SERPINB7: variants seen among roughly 807,000 people sequenced by gnomAD.
The protein encoded by SERPINB7 is serpin B7.
A neutral mutation model predicts 37.4 loss-of-function variants in SERPINB7; 31 were observed. The ratio of observed to expected loss-of-function variants is 0.83; its 90% confidence interval spans 0.62 to 1.12. The LOEUF is 1.12. SERPINB7 is among the 50% of genes most tolerant of loss of function. The probability of loss-of-function intolerance (pLI) is 0.00; values close to 1 mark genes in which losing one functional copy is unlikely to be tolerated. For synonymous variants in SERPINB7, 163 were observed against 166.1 expected, an observed-to-expected ratio of 0.98 and a Z score of 0.14; for missense variants, 521 against 455.3, an observed-to-expected ratio of 1.14 and a Z score of -1.31.
chr18:63,770,585 G>C (rs1336045018), upstream of SERPINB7, among the ~76,000 whole-genome samples: 1 of 151,894 alleles, frequency 6.6e-6, no homozygotes. Flanking sequence ...GATTTTTACT[G>C]TCCATGTGAA....
chr18:63,783,833 G>T (rs1032749792), intron 2 of SERPINB7, among the ~76,000 whole-genome samples: 13 of 152,150 alleles, frequency 8.5e-5, no homozygotes, highest in African/African-American at 1.9e-4. Context: ...GAGGAATCTG[G>T]TGCCTGTTGT....
At chr18:63,785,200 C>T (rs1029628340) in intron 2 of SERPINB7, among the ~76,000 whole-genome samples, 1 of 152,216 alleles carries the variant, frequency 6.6e-6, no homozygotes. Context: ...AATTAATTTT[C>T]AGCTTCTCCC....
chr18:63,794,394 G>A (rs923267195), intron 4 of SERPINB7, among the ~76,000 whole-genome samples: 2 of 151,816 alleles, frequency 1.3e-5, no homozygotes, highest in Admixed American at 6.6e-5. Flanking sequence ...CTAGGCCATG[G>A]ACTACTTAAA....
intron 7 of SERPINB7, among the ~76,000 whole-genome samples, chr18:63,803,615 T>G (rs2049573113): frequency 6.6e-6 from 1 of 152,220 alleles, no homozygotes; most frequent in South Asian, 2.1e-4. Context: ...GGTTGCTTGC[T>G]TTGCATTCAG....
At chr18:63,785,952 C>T (rs1295443070) in intron 2 of SERPINB7, among the ~76,000 whole-genome samples, 3 of 114,764 alleles carry the variant, frequency 2.6e-5, no homozygotes, top group Non-Finnish European at 3.4e-5. Flanking sequence ...ATATAATATA[C>T]TTATATATAC....
chr18:63,790,971 A>G (rs564575775), intron 2 of SERPINB7, among the ~76,000 whole-genome samples: 8 of 152,354 alleles, frequency 5.3e-5, no homozygotes, highest in Admixed American at 4.6e-4. Context: ...AAAAAGGATG[A>G]GTTCATGTCC....
chr18:63,792,487 G>T, intron 3 of SERPINB7, 44 bp downstream of exon 3: 1 of 1,308,624 alleles, frequency 7.6e-7, no homozygotes, highest in Non-Finnish European at 1.1e-6. Flanking sequence ...GGTGAGCCAG[G>T]TGCAGGGGCT....
chr18:63,781,511 C>A (rs1192249211), intron 1 of SERPINB7, among the ~76,000 whole-genome samples: 2 of 152,170 alleles, frequency 1.3e-5, no homozygotes, highest in Non-Finnish European at 2.9e-5. Flanking sequence ...CATGTAAGTT[C>A]ATGTAGTCTG....
At chr18:63,780,106 A>C (rs1417951680) in intron 1 of SERPINB7, among the ~76,000 whole-genome samples, 1 of 152,204 alleles carries the variant, frequency 6.6e-6, no homozygotes, top group East Asian at 1.9e-4. Flanking sequence ...CCAATCTTCT[A>C]TTAAATATAT....
At chr18:63,755,394 A>G (rs1204362104) in intron 1 of SERPINB7, among the ~76,000 whole-genome samples, 1 of 152,180 alleles carries the variant, frequency 6.6e-6, no homozygotes, top group Non-Finnish European at 1.5e-5. Flanking sequence ...GGAGGCATGA[A>G]TAGGGACAAA....
intron 2 of SERPINB7, among the ~76,000 whole-genome samples, chr18:63,785,842 ACTCCT>A (rs1259998644): frequency 1.4e-5 from 2 of 147,828 alleles, no homozygotes; most frequent in Non-Finnish European, 3.0e-5. Flanking sequence ...TAAGCTACTT[ACTCCT>A]CTCTTCTCTC....
chr18:63,794,406 C>G (rs1400235710), intron 4 of SERPINB7, among the ~76,000 whole-genome samples: 2 of 152,028 alleles, frequency 1.3e-5, no homozygotes, highest in Admixed American at 1.3e-4. Context: ...CTACTTAAAA[C>G]TACTCTTTGT....
chr18:63,800,742 G>A, intron 6 of SERPINB7, 124 bp from the exon 7 acceptor site: 1 of 986,310 alleles, frequency 1.0e-6, no homozygotes, highest in Non-Finnish European at 1.5e-6. Context: ...AACATGTCAG[G>A]AAAAAATCTG....
rs765186645 is a variant in SERPINB7, at chr18:63,792,443, G to T, written c.219G>T (p.Gln73His). ...GATATGGAAACTCTTCTAATAGTCA[G>T]GTAAAGACAATATGTTCTTTTAGAA... ...ASGYGNSSNSQSGLQSQLKRV... is the reference protein window; with the variant it reads ...ASGYGNSSNSHSGLQSQLKRV... The change falls in exon 3 of 8, where the codon CAG becomes CAT. Residue 73 changes from glutamine (Q) to histidine (H), a missense_variant and splice_region_variant. By Grantham distance (24) the Gln-to-His change is conservative. Coordinates refer to ENST00000398019, the MANE Select transcript of SERPINB7 (RefSeq NM_003784.4). 71 of 1,585,484 alleles carry T rather than the reference G, an allele frequency of 4.5e-5. No individual in the cohort carries two copies. The East Asian group carries it at 1.6e-3, about 35-fold the overall frequency.
intron 2 of SERPINB7, among the ~76,000 whole-genome samples, chr18:63,784,640 G>A (rs2049346497): frequency 6.6e-6 from 1 of 152,186 alleles, no homozygotes; most frequent in African/African-American, 2.4e-5. Context: ...CTTGGTCTGG[G>A]AGTTAGAAGA....
upstream of SERPINB7, among the ~76,000 whole-genome samples, chr18:63,773,771 C>G (rs1439614482): frequency 6.6e-6 from 1 of 152,160 alleles, no homozygotes. Context: ...TCTTCTCATA[C>G]TTATGTCACT....
chr18:63,764,674 G>C (rs535884373), intron 1 of SERPINB7, among the ~76,000 whole-genome samples: 1 of 152,248 alleles, frequency 6.6e-6, no homozygotes, highest in South Asian at 2.1e-4. Context: ...CATATGAATG[G>C]AGCAGAGTGT....
intron 2 of SERPINB7, among the ~76,000 whole-genome samples, chr18:63,786,559 T>C (rs1328907817): frequency 6.6e-6 from 1 of 152,068 alleles, no homozygotes; most frequent in Non-Finnish European, 1.5e-5. Flanking sequence ...GACGAAATAA[T>C]AGTTTCATAA....
intron 2 of SERPINB7, among the ~76,000 whole-genome samples, chr18:63,783,232 G>C (rs9947598): frequency 9.8e-5 from 4 of 40,760 alleles, no homozygotes; most frequent in South Asian, 1.0e-3. Flanking sequence ...GAGAGAGAGA[G>C]AGAAAGAAAG....
Sources: allele counts gnomAD v4.1 joint callset (sites outside exome capture counted in the v4.1 genomes callset), GRCh38; gene constraint gnomAD v4.1.1; transcripts MANE v1.5; gene names NCBI Gene and HGNC (gene_info 2026-07-23, HGNC 2026-07-21).